TFEC: variants seen among roughly 807,000 people sequenced by gnomAD.
TFEC encodes the protein transcription factor EC, also known as class E basic helix-loop-helix protein 34.
Under a neutral mutation model 41.6 loss-of-function variants are expected in TFEC, and 31 were observed. That is an observed-to-expected ratio of 0.74 (90% CI 0.56 to 1.01). The LOEUF (loss-of-function observed/expected upper bound fraction) is 1.01. Among genes scored for constraint, TFEC ranks in the 50% least tolerant of loss-of-function variants. TFEC has a pLI of 0.00. For missense variants in TFEC, 402 were observed against 404.1 expected, an observed-to-expected ratio of 0.99 and a Z score of 0.04; for synonymous variants, 143 against 140.6, an observed-to-expected ratio of 1.02 and a Z score of -0.12.
intron 3 of TFEC, among the ~76,000 whole-genome samples, chr7:115,973,713 T>C (rs1443258505): frequency 2.6e-5 from 4 of 152,058 alleles, no homozygotes; most frequent in Non-Finnish European, 5.9e-5. Context: ...CCTCTGGCTA[T>C]TGGCTTAGAA....
chr7:116,056,348 C>T (rs1219800741), intron 3 of TFEC, among the ~76,000 whole-genome samples: 3 of 152,034 alleles, frequency 2.0e-5, no homozygotes, highest in Admixed American at 1.3e-4. Context: ...CTAGAGTTCT[C>T]AAGACAGTAT....
At chr7:116,136,745 C>A (rs1798440910) in intron 1 of TFEC, among the ~76,000 whole-genome samples, 1 of 151,588 alleles carries the variant, frequency 6.6e-6, no homozygotes, top group Non-Finnish European at 1.5e-5. Flanking sequence ...ATTTGTAAAG[C>A]TAAACATTTG....
Position 116,082,219 on chromosome 7 carries a change from A to G in TFEC, c.198+28489T>C, listed in dbSNP as rs79583206. On this transcript the variant is annotated intron_variant, in intron 3 of 8. Coordinates refer to the TFEC transcript ENST00000484212. The stretch of plus-strand genomic sequence containing the variant: ...AAGTAATAAATGTGTGTACATACGT[A>G]TCTGCTACAGGGTGAATGAGGACAT... Among the ~76,000 whole-genome samples, 1,295 of 152,152 alleles carry G rather than the reference A, an allele frequency of 8.5e-3. 20 individuals carry two copies. Among genetic ancestry groups the G allele is most frequent in the African/African-American group, 0.029 (1,215 of 41,550 alleles).
At chr7:116,035,309 T>C (rs758992414), upstream of TFEC, among the ~76,000 whole-genome samples, 1 of 151,916 alleles carries the variant, frequency 6.6e-6, no homozygotes, top group Non-Finnish European at 1.5e-5. Context: ...GGTTACAATG[T>C]CCCCCTGCAG....
chr7:116,056,411 G>C (rs189116974), intron 3 of TFEC, among the ~76,000 whole-genome samples: 1 of 152,058 alleles, frequency 6.6e-6, no homozygotes, highest in Non-Finnish European at 1.5e-5. Context: ...TTTTCTCAAA[G>C]TATTCACTAA....
At chr7:116,113,267 T>C (rs566492646) in intron 1 of TFEC, among the ~76,000 whole-genome samples, 40 of 152,108 alleles carry the variant, frequency 2.6e-4, no homozygotes, top group Non-Finnish European at 5.3e-4. Context: ...GATGAAGTTA[T>C]ATTAGAGTAG....
At chr7:116,132,083 A>G (rs2116318255) in intron 1 of TFEC, among the ~76,000 whole-genome samples, 1 of 152,282 alleles carries the variant, frequency 6.6e-6, no homozygotes, top group African/African-American at 2.4e-5. Flanking sequence ...TCTTTCCATC[A>G]TAAAGTATGC....
chr7:116,045,845 C>T (rs541756552), intron 3 of TFEC, among the ~76,000 whole-genome samples: 8 of 152,288 alleles, frequency 5.3e-5, no homozygotes, highest in South Asian at 2.1e-4. Flanking sequence ...GCCACAGGGG[C>T]GGAGCTTCCC....
At chr7:116,114,910 G>C (rs982940132) in intron 1 of TFEC, among the ~76,000 whole-genome samples, 1 of 151,742 alleles carries the variant, frequency 6.6e-6, no homozygotes, top group Non-Finnish European at 1.5e-5. Context: ...CCACCCCCCA[G>C]TAATGGGGAG....
intron 3 of TFEC, among the ~76,000 whole-genome samples, chr7:116,085,562 G>C (rs1163138927): frequency 6.6e-6 from 1 of 151,820 alleles, no homozygotes; most frequent in Non-Finnish European, 1.5e-5. Context: ...TGTGTCAAAA[G>C]AACATGCCAA....
In TFEC at chr7:116,073,046, T is replaced by C. The variant is rs150103889; in HGVS notation, c.198+37662A>G. ...CATCCAGACTGCAAATGAAGAAATA[T>C]ACTATCTCTGTTTGTAGATGGCATG... On this transcript the variant is annotated intron_variant, in intron 3 of 8. Transcript: ENST00000484212. Among the ~76,000 whole-genome samples, 12 of 151,660 alleles carry C rather than the reference T, an allele frequency of 7.9e-5. No individual in the cohort carries two copies. In the East Asian group the frequency reaches 9.6e-4, roughly 12 times the overall value.
At chr7:116,062,476 C>T (rs990014025) in intron 3 of TFEC, among the ~76,000 whole-genome samples, 12 of 143,926 alleles carry the variant, frequency 8.3e-5, no homozygotes, top group South Asian at 2.2e-4. Flanking sequence ...TCCTGAGTTA[C>T]TTCACTAAGA....
intron 1 of TFEC, among the ~76,000 whole-genome samples, chr7:115,998,617 G>A (rs1249242453): frequency 2.0e-5 from 3 of 151,340 alleles, no homozygotes; most frequent in African/African-American, 7.3e-5. Context: ...CACATAGAAT[G>A]AAAAGAAAGG....
At chr7:116,028,921 C>T (rs999069736) in intron 1 of TFEC, among the ~76,000 whole-genome samples, 1 of 146,532 alleles carries the variant, frequency 6.8e-6, no homozygotes, top group African/African-American at 2.5e-5. Flanking sequence ...ACTATTTTTA[C>T]TTCCACTATA....
intron 5 of TFEC, among the ~76,000 whole-genome samples, chr7:115,952,465 A>G (rs1019178239): frequency 2.0e-5 from 3 of 152,102 alleles, no homozygotes; most frequent in African/African-American, 7.2e-5. Flanking sequence ...AGACTTTTAA[A>G]TACAAGATGA....
intron 6 of TFEC, among the ~76,000 whole-genome samples, chr7:115,947,690 A>C (rs1017174127): frequency 6.6e-6 from 1 of 150,684 alleles, no homozygotes; most frequent in Non-Finnish European, 1.5e-5. Flanking sequence ...GCATTTTTTC[A>C]TGTGTTTTTT....
chr7:116,005,622 T>C (rs1794758818), intron 1 of TFEC, among the ~76,000 whole-genome samples: 1 of 152,136 alleles, frequency 6.6e-6, no homozygotes. Flanking sequence ...AGCATAAAAG[T>C]TTGGAAAATT....
At chr7:116,063,177 A>G (rs563974552) in intron 3 of TFEC, among the ~76,000 whole-genome samples, 79 of 152,340 alleles carry the variant, frequency 5.2e-4, no homozygotes, top group Non-Finnish European at 9.7e-4. Flanking sequence ...CAGACCAGAT[A>G]ATAATATGTA....
intron 6 of TFEC, among the ~76,000 whole-genome samples, chr7:115,948,567 C>T (rs1179114309): frequency 6.6e-6 from 1 of 152,154 alleles, no homozygotes; most frequent in African/African-American, 2.4e-5. Context: ...TAAATGTAAT[C>T]TGGCATATAA....
Sources: gnomAD v4.1 joint callset for allele counts (sites outside exome capture counted in the v4.1 genomes callset) on GRCh38, gnomAD v4.1.1 for gene constraint, MANE v1.5 for transcripts, NCBI Gene and HGNC (gene_info 2026-07-23, HGNC 2026-07-21) for gene names.